Variants in MARCHF1 observed in about 807,000 individuals in gnomAD.
MARCHF1 encodes the protein E3 ubiquitin-protein ligase MARCHF1.
In MARCHF1, 40 loss-of-function variants were observed where a neutral mutation model predicts 54.2. The observed-to-expected ratio is 0.74, with a 90% CI of 0.57 to 0.96. The LOEUF is 0.96. Among genes scored for constraint, MARCHF1 ranks in the 40% least tolerant of loss-of-function variants. The pLI, the probability that MARCHF1 is intolerant of heterozygous loss-of-function variation, is 0.00. For synonymous variants in MARCHF1, 236 were observed against 236.3 expected (o/e 1.00, Z 0.01); for missense variants, 586 against 656.5 (o/e 0.89, Z 1.17).
At chr4:163,775,422 T>C (rs1226534490) in intron 4 of MARCHF1, among the ~76,000 whole-genome samples, 1 of 152,158 alleles carries the variant, frequency 6.6e-6, no homozygotes. Flanking sequence ...CTTGGTACCA[T>C]GTCCCCTATG....
intron 5 of MARCHF1, among the ~76,000 whole-genome samples, chr4:163,688,365 C>T (rs1463081510): frequency 6.6e-6 from 1 of 152,088 alleles, no homozygotes; most frequent in African/African-American, 2.4e-5. Flanking sequence ...ATTTTAAAAA[C>T]CTGACTTCTT....
At chr4:163,576,016 A>G (rs1184256290) in intron 8 of MARCHF1, among the ~76,000 whole-genome samples, 4 of 151,170 alleles carry the variant, frequency 2.6e-5, no homozygotes, top group Admixed American at 6.6e-5. Context: ...GATTTTTTGT[A>G]TGCTTTTTTT....
intron 8 of MARCHF1, among the ~76,000 whole-genome samples, chr4:163,571,596 ATTTGTTAACTTTG>A (rs1739844270): frequency 6.6e-6 from 1 of 152,134 alleles, no homozygotes; most frequent in Non-Finnish European, 1.5e-5. Flanking sequence ...TAGCTCCAAA[ATTTGTTAACTTTG>A]TTTATTGATA....
intron 1 of MARCHF1, among the ~76,000 whole-genome samples, chr4:164,185,685 G>A (rs1279924267): frequency 6.6e-6 from 1 of 151,720 alleles, no homozygotes; most frequent in African/African-American, 2.4e-5. Flanking sequence ...TTTTCCCATT[G>A]AGATAAGAAG....
intron 4 of MARCHF1, among the ~76,000 whole-genome samples, chr4:163,775,628 T>C (rs1283553293): frequency 1.3e-5 from 2 of 152,120 alleles, no homozygotes; most frequent in Non-Finnish European, 2.9e-5. Flanking sequence ...ACAGCAGATA[T>C]TATTTTCAGA....
chr4:164,190,427 A>G lies in MARCHF1; in HGVS notation c.-322-78765T>C, dbSNP rs996660491. On this transcript the variant is annotated intron_variant, in intron 1 of 9. Coordinates refer to ENST00000514618, the MANE Select transcript of MARCHF1 (RefSeq NM_001394959.1). ...TGAGAGAAGTCAAGTCTTAAATGTA[A>G]TTGGAATTGTCACCTCAGAGTGGAG... 2.0e-5 allele frequency: 9 copies of G among 441,544 alleles called. No individual in the cohort carries two copies. The Admixed American group carries it at 2.9e-4, about 14-fold the overall frequency. The allele number at this position is 441,544 out of a possible 1,614,324, so 27.4% of individuals were successfully genotyped here.
intron 2 of MARCHF1, among the ~76,000 whole-genome samples, chr4:164,108,112 T>C (rs11941128): frequency 0.84 from 127,594 of 151,992 alleles, 54,067 homozygotes; most frequent in Non-Finnish European, 0.89. Context: ...TGAACTGTCT[T>C]TTGTGACTAT....
chr4:164,091,595 T>C (rs1391041412), intron 2 of MARCHF1, among the ~76,000 whole-genome samples: 1 of 151,740 alleles, frequency 6.6e-6, no homozygotes, highest in Non-Finnish European at 1.5e-5. Context: ...TGGCTTGAAA[T>C]ACTATATCTC....
intron 4 of MARCHF1, among the ~76,000 whole-genome samples, chr4:163,794,293 T>C (rs1747852329): frequency 6.6e-6 from 1 of 152,196 alleles, no homozygotes; most frequent in African/African-American, 2.4e-5. Flanking sequence ...ATAATCCCTC[T>C]TGGCTGAATT....
intron 8 of MARCHF1, among the ~76,000 whole-genome samples, chr4:163,558,472 G>C (rs1030426865): frequency 6.6e-6 from 1 of 152,106 alleles, no homozygotes; most frequent in Admixed American, 6.5e-5. Flanking sequence ...CTTCAGGATG[G>C]GTCTTCTGCT....
At chr4:163,530,607 C>CCT (rs894751552) in intron 9 of MARCHF1, 2 of 151,998 alleles carry the variant, frequency 1.3e-5, no homozygotes, top group African/African-American at 4.8e-5. Context: ...ACATGAAAAG[C>CCT]CTCTCACTGT....
At chr4:164,182,603 T>C (rs922405810) in intron 1 of MARCHF1, among the ~76,000 whole-genome samples, 1 of 151,962 alleles carries the variant, frequency 6.6e-6, no homozygotes, top group African/African-American at 2.4e-5. Flanking sequence ...TGTACATTTA[T>C]AAAAGCGTCT....
At chr4:163,731,935 C>G (rs1010973769) in intron 4 of MARCHF1, among the ~76,000 whole-genome samples, 2 of 152,064 alleles carry the variant, frequency 1.3e-5, no homozygotes, top group Non-Finnish European at 2.9e-5. Context: ...CTGCTTTCAA[C>G]CAACAACAAG....
chr4:164,190,315 G>A (rs1731091509), intron 1 of MARCHF1: 3 of 697,994 alleles, frequency 4.3e-6, no homozygotes, highest in South Asian at 1.8e-5. Flanking sequence ...AAGAGGATAC[G>A]GCAGAAAAAG....
intron 5 of MARCHF1, among the ~76,000 whole-genome samples, chr4:163,637,123 G>A (rs533686124): frequency 1.2e-4 from 18 of 151,610 alleles, no homozygotes; most frequent in African/African-American, 4.4e-4. Flanking sequence ...TTAAGCGTTA[G>A]ACCTAAAACC....
intron 5 of MARCHF1, among the ~76,000 whole-genome samples, chr4:163,641,275 G>A (rs1158921857): frequency 6.6e-6 from 1 of 151,916 alleles, no homozygotes; most frequent in African/African-American, 2.4e-5. Context: ...AATTTTGATT[G>A]ACAACGCATA....
At chr4:164,210,473 T>C (rs537948914) in intron 1 of MARCHF1, among the ~76,000 whole-genome samples, 2 of 152,248 alleles carry the variant, frequency 1.3e-5, no homozygotes, top group African/African-American at 4.8e-5. Context: ...TTGAGGCATA[T>C]TGAATTTGAG....
chr4:164,126,350 A>T (rs902817468), intron 1 of MARCHF1, among the ~76,000 whole-genome samples: 4 of 152,204 alleles, frequency 2.6e-5, no homozygotes, highest in African/African-American at 7.2e-5. Flanking sequence ...GTAGGTCCTC[A>T]TCAGACACCG....
intron 5 of MARCHF1, among the ~76,000 whole-genome samples, chr4:163,699,116 A>C (rs1744725721): frequency 6.6e-6 from 1 of 152,172 alleles, no homozygotes; most frequent in Non-Finnish European, 1.5e-5. Context: ...AGTGCTCTTA[A>C]CCAGTAGGGC....
Sources: allele counts gnomAD v4.1 joint callset (sites outside exome capture counted in the v4.1 genomes callset), GRCh38; gene constraint gnomAD v4.1.1; transcripts MANE v1.5; gene names NCBI Gene and HGNC (gene_info 2026-07-23, HGNC 2026-07-21).